Variants in SH3GL2 observed in about 807,000 individuals in gnomAD.
The protein encoded by SH3GL2 is SH3 domain containing GRB2 like 2, endophilin A1.
SH3GL2 carries 24 observed loss-of-function variants against 46.0 expected under a neutral mutation model. The observed-to-expected ratio is 0.52, with a 90% CI of 0.38 to 0.73. SH3GL2 has a LOEUF of 0.73. Among genes scored for constraint, SH3GL2 ranks in the 30% least tolerant of loss-of-function variants. The pLI is 0.00. For synonymous variants in SH3GL2, 196 were observed against 147.1 expected (o/e 1.33, Z -2.40); for missense variants, 413 against 424.2 (o/e 0.97, Z 0.23).
At chr9:17,659,397 G>A (rs1448239909) in intron 1 of SH3GL2, among the ~76,000 whole-genome samples, 4 of 152,234 alleles carry the variant, frequency 2.6e-5, no homozygotes, top group South Asian at 2.1e-4. Flanking sequence ...CATTCTATGA[G>A]CCAGTGTCAT....
intron 1 of SH3GL2, among the ~76,000 whole-genome samples, chr9:17,638,991 T>C (rs1351799746): frequency 6.6e-6 from 1 of 152,228 alleles, no homozygotes; most frequent in Non-Finnish European, 1.5e-5. Flanking sequence ...GGTTGTACTT[T>C]AAAATTCTGA....
intron 1 of SH3GL2, among the ~76,000 whole-genome samples, chr9:17,593,457 G>A (rs563384604): frequency 2.0e-5 from 3 of 152,250 alleles, no homozygotes; most frequent in African/African-American, 7.2e-5. Context: ...ACACATTTTG[G>A]TAACCAGAGG....
Position 17,795,722 on chromosome 9 carries a change from TCTGGTTGCC to T in SH3GL2, c.1042_1050del (p.Val348_Leu350del). The T allele has an allele frequency of 6.2e-7, 1 of 1,613,852 alleles. No homozygotes were observed. Among genetic ancestry groups the T allele is most frequent in the South Asian group, 1.1e-5 (1 of 91,054 alleles). ...TCTTCCCCATCAATTATGTGGAAATTCTGGTTGCCCTGCCCCATTAGGATGTTATGCTGG... is the reference window on the plus strand; with the variant it reads ...TCTTCCCCATCAATTATGTGGAAATTCTGCCCCATTAGGATGTTATGCTGG... On this transcript the variant is annotated inframe_deletion, in exon 9 of 9. Transcript: ENST00000380607.
intron 1 of SH3GL2, among the ~76,000 whole-genome samples, chr9:17,622,836 G>A (rs1199283495): frequency 2.0e-5 from 3 of 152,216 alleles, no homozygotes; most frequent in Non-Finnish European, 4.4e-5. Context: ...CTTGGGGCAT[G>A]AAAACCAAGA....
chr9:17,760,085 C>G (rs1292520224), intron 2 of SH3GL2, among the ~76,000 whole-genome samples: 1 of 152,134 alleles, frequency 6.6e-6, no homozygotes, highest in Non-Finnish European at 1.5e-5. Flanking sequence ...CAGGGGGCTA[C>G]TGAGCATTTT....
intron 1 of SH3GL2, among the ~76,000 whole-genome samples, chr9:17,633,589 G>A (rs1340526841): frequency 6.6e-6 from 1 of 152,076 alleles, no homozygotes. Flanking sequence ...GTGTTCTTTA[G>A]TGTTTTGGCA....
chr9:17,724,312 G>T (rs1229528205), intron 1 of SH3GL2, among the ~76,000 whole-genome samples: 1 of 152,040 alleles, frequency 6.6e-6, no homozygotes. Flanking sequence ...CTCTTCAAGA[G>T]TCCCATTTGA....
chr9:17,606,896 G>A (rs982840651), intron 1 of SH3GL2, among the ~76,000 whole-genome samples: 3 of 152,172 alleles, frequency 2.0e-5, no homozygotes, highest in African/African-American at 7.2e-5. Context: ...TAGACGGTCA[G>A]CAGTAGAAAG....
intron 1 of SH3GL2, among the ~76,000 whole-genome samples, chr9:17,736,065 CG>C (rs1405492506): frequency 1.3e-5 from 2 of 152,010 alleles, no homozygotes; most frequent in Non-Finnish European, 2.9e-5. Context: ...GCAGACCTCA[CG>C]GCATAGGGTG....
intron 3 of SH3GL2, among the ~76,000 whole-genome samples, chr9:17,769,907 A>T (rs1209706933): frequency 1.3e-5 from 2 of 152,214 alleles, no homozygotes; most frequent in Non-Finnish European, 2.9e-5. Context: ...TTGTAAACAT[A>T]GTCATTGAAG....
intron 1 of SH3GL2, among the ~76,000 whole-genome samples, chr9:17,622,055 T>C (rs1249839321): frequency 6.6e-6 from 1 of 152,206 alleles, no homozygotes; most frequent in Non-Finnish European, 1.5e-5. Flanking sequence ...TTCCCAAAGG[T>C]AAATTTTGGG....
chr9:17,773,073 A>G (rs932648537), intron 3 of SH3GL2, among the ~76,000 whole-genome samples: 1 of 152,020 alleles, frequency 6.6e-6, no homozygotes, highest in African/African-American at 2.4e-5. Flanking sequence ...ATTTGTAATG[A>G]CCTAATGATT....
At chr9:17,751,574 C>T (rs149548730) in intron 2 of SH3GL2, among the ~76,000 whole-genome samples, 3,147 of 152,016 alleles carry the variant, frequency 0.021, 69 homozygotes, top group Non-Finnish European at 0.029. Context: ...TCCCACCGCC[C>T]ATGTTGGAAC....
chr9:17,648,067 A>G lies in SH3GL2; in HGVS notation c.45+68780A>G, dbSNP rs544276400. Among the ~76,000 whole-genome samples the G allele has an allele frequency of 1.3e-4, 20 of 152,362 alleles. No individual in the cohort carries two copies. The East Asian group carries it at 3.3e-3, about 25-fold the overall frequency. ...TTCTGTAGCTTACTTTATTGTAAAAATACAGTATATAATACATATAACATA... is the reference window on the plus strand; with the variant it reads ...TTCTGTAGCTTACTTTATTGTAAAAGTACAGTATATAATACATATAACATA... On this transcript the variant is annotated intron_variant, in intron 1 of 8. Transcript: ENST00000380607.
intron 1 of SH3GL2, among the ~76,000 whole-genome samples, chr9:17,733,339 A>G (rs1172527000): frequency 3.3e-5 from 5 of 151,880 alleles, no homozygotes; most frequent in Non-Finnish European, 7.4e-5. Context: ...GGTTAGTTAC[A>G]TATGTATACA....
intron 3 of SH3GL2, among the ~76,000 whole-genome samples, chr9:17,762,041 G>C (rs1357604476): frequency 6.6e-6 from 1 of 152,152 alleles, no homozygotes; most frequent in Non-Finnish European, 1.5e-5. Flanking sequence ...CTAAGAAAAA[G>C]AAGTGGTAAT....
intron 1 of SH3GL2, among the ~76,000 whole-genome samples, chr9:17,647,261 A>T (rs1371415211): frequency 6.6e-6 from 1 of 152,214 alleles, no homozygotes; most frequent in Non-Finnish European, 1.5e-5. Context: ...CAATGTGCAA[A>T]ACACTGTGCT....
intron 3 of SH3GL2, among the ~76,000 whole-genome samples, chr9:17,782,996 A>G (rs1823855198): frequency 6.6e-6 from 1 of 152,114 alleles, no homozygotes; most frequent in African/African-American, 2.4e-5. Flanking sequence ...TGGGCAGTGC[A>G]GTTCTCTGTG....
Position 17,579,132 on chromosome 9 carries a change from G to C in SH3GL2, c.-111G>C. 1 of 652,552 alleles carries C rather than the reference G, an allele frequency of 1.5e-6. No individual in the cohort carries two copies. The highest frequency in any genetic ancestry group is 2.4e-6 in the Non-Finnish European group (1 of 422,040). The allele number at this position is 652,552 out of a possible 1,614,324, so 40.4% of individuals were successfully genotyped here. A position where few individuals can be genotyped will look rare whatever the true frequency, so the allele number is the denominator to read the frequency against. ...CCGCGCCCTCGCGCCCATAGCCCCG[G>C]CGGCGGCACGACCAGAGGCGGCCAG... On this transcript the variant is annotated 5_prime_UTR_variant, in exon 1 of 9. Transcript: ENST00000380607.
Sources: gnomAD v4.1 joint callset for allele counts (sites outside exome capture counted in the v4.1 genomes callset) on GRCh38, gnomAD v4.1.1 for gene constraint, MANE v1.5 for transcripts, NCBI Gene and HGNC (gene_info 2026-07-23, HGNC 2026-07-21) for gene names.